The following SLC16A1 variants were observed in gnomAD, a reference collection of about 807,000 sequenced individuals.
SLC16A1 encodes monocarboxylate transporter 1.
Under a neutral mutation model 32.2 loss-of-function variants are expected in SLC16A1, and 11 were observed. The ratio of observed to expected loss-of-function variants is 0.34; its 90% CI spans 0.21 to 0.56. SLC16A1 has a LOEUF of 0.56. SLC16A1 is among the 20% of genes least tolerant of loss of function. The pLI is 0.87. For missense variants in SLC16A1, 435 were observed against 615.0 expected, an observed-to-expected ratio of 0.71 and a Z score of 3.10; for synonymous variants, 231 against 226.8, an observed-to-expected ratio of 1.02 and a Z score of -0.17.
chr1:112,925,911 C>T (rs562191853), intron 2 of SLC16A1, among the ~76,000 whole-genome samples: 4 of 146,184 alleles, frequency 2.7e-5, no homozygotes, highest in South Asian at 2.1e-4. Flanking sequence ...TTCAGAGTTG[C>T]GGTACAGTAT....
intron 3 of SLC16A1, among the ~76,000 whole-genome samples, chr1:112,920,685 T>C (rs1402333471): frequency 2.0e-5 from 3 of 152,004 alleles, no homozygotes; most frequent in African/African-American, 7.3e-5. Flanking sequence ...TAAACAGAAG[T>C]GGACAAATAT....
intron 1 of SLC16A1, among the ~76,000 whole-genome samples, chr1:112,943,340 G>C (rs535042321): frequency 2.6e-5 from 4 of 152,028 alleles, no homozygotes; most frequent in Non-Finnish European, 4.4e-5. Context: ...CCTGGAAGGC[G>C]GAGGCTGCAG....
chr1:112,925,547 T>A (rs1648911167), intron 2 of SLC16A1, among the ~76,000 whole-genome samples: 1 of 151,882 alleles, frequency 6.6e-6, no homozygotes, highest in South Asian at 2.1e-4. Flanking sequence ...CCGGGCTAAT[T>A]TTTGTATTTT....
At chr1:112,922,779 A>C (rs879491748) in intron 2 of SLC16A1, among the ~76,000 whole-genome samples, 24 of 152,092 alleles carry the variant, frequency 1.6e-4, no homozygotes, top group Non-Finnish European at 3.2e-4. Context: ...TGTCTCAAAA[A>C]ACAAACAAAC....
chr1:112,952,596 T>C (rs1023485124), intron 1 of SLC16A1, among the ~76,000 whole-genome samples: 5 of 152,214 alleles, frequency 3.3e-5, no homozygotes, highest in Admixed American at 6.5e-5. Flanking sequence ...GATATCTATA[T>C]TGAAATAAAA....
At chr1:112,946,416 T>C (rs1370525732) in intron 1 of SLC16A1, among the ~76,000 whole-genome samples, 3 of 152,036 alleles carry the variant, frequency 2.0e-5, no homozygotes, top group Non-Finnish European at 4.4e-5. Flanking sequence ...GAACTTCAAG[T>C]AATCTAATTT....
In SLC16A1 at chr1:112,918,287, G is replaced by A. The variant is rs1020544803; in HGVS notation, c.362-243C>T. Among the ~76,000 whole-genome samples the A allele has an allele frequency of 2.6e-5, 4 of 151,974 alleles. No homozygotes were observed. The South Asian group carries it at 8.3e-4, about 32-fold the overall frequency. The stretch of plus-strand genomic sequence containing the variant: ...TGACTGCTTCCTAATATGTAAAACG[G>A]GCACAGGTCACTGTTGTGAGGAAGA... On this transcript the variant is annotated intron_variant, in intron 3 of 4. Coordinates refer to ENST00000369626, the MANE Select transcript of SLC16A1 (RefSeq NM_003051.4).
chr1:112,949,828 G>A (rs1238855619), intron 1 of SLC16A1, among the ~76,000 whole-genome samples: 1 of 152,014 alleles, frequency 6.6e-6, no homozygotes, highest in African/African-American at 2.4e-5. Flanking sequence ...CGTGAGCCAC[G>A]TGCCCAGACA....
At chr1:112,918,110 G>C in intron 3 of SLC16A1, 66 bp from the exon 4 acceptor site, 1 of 1,080,278 alleles carries the variant, frequency 9.3e-7, no homozygotes, top group Non-Finnish European at 1.2e-6. Context: ...ATAATAAGAG[G>C]TATAAATAAT....
Position 112,917,926 on chromosome 1 carries a change from A to G in SLC16A1, c.480T>C (p.Thr160=). Residue 160 remains threonine, a synonymous_variant, in exon 4 of 5, where the codon ACT becomes ACC. Coordinates refer to ENST00000369626, the MANE Select transcript of SLC16A1 (RefSeq NM_003051.4). This position sits in a 1 kb window ranked among gnomAD's most constrained non-coding sequence, Gnocchi z 4.1. ...AMAGSPVFLC[T]LAPLNQVFFG... ...AGAAAACCTGATTGAGGGGGGCCAG[A>G]GTACAGAGGAACACAGGGCTGCCTG... 6.2e-7 allele frequency: 1 copy of G among 1,600,358 alleles called. No individual in the cohort carries two copies. The highest frequency in any genetic ancestry group is 8.5e-7 in the Non-Finnish European group (1 of 1,175,162).
rs553067082 is a variant in SLC16A1 at position 112,935,627 on chromosome 1, C to A, written c.-44-6275G>T. On this transcript the variant is annotated intron_variant, in intron 1 of 4. Coordinates refer to ENST00000369626, the MANE Select transcript of SLC16A1 (RefSeq NM_003051.4). The stretch of plus-strand genomic sequence containing the variant: ...AAGAGAATAGAGAATGGAGAAGAGA[C>A]AACTGTCTGGGTAAATGACTAAGGG... Among the ~76,000 whole-genome samples, 20 of 152,176 alleles carry A rather than the reference C, an allele frequency of 1.3e-4. No individual in the cohort carries two copies. In the East Asian group the frequency reaches 3.9e-3, roughly 29 times the overall value.
intron 1 of SLC16A1, among the ~76,000 whole-genome samples, chr1:112,939,181 G>A (rs1463664639): frequency 6.6e-6 from 1 of 152,006 alleles, no homozygotes; most frequent in Non-Finnish European, 1.5e-5. Context: ...GTGAGCCACC[G>A]TGCCCGGCCA....
At chr1:112,922,957 G>A (rs1393965889) in intron 2 of SLC16A1, among the ~76,000 whole-genome samples, 1 of 151,908 alleles carries the variant, frequency 6.6e-6, no homozygotes, top group Admixed American at 6.5e-5. Flanking sequence ...TGTCACCCAA[G>A]CTGGAGTGCA....
chr1:112,924,126 G>A (rs1050782461), intron 2 of SLC16A1: 20 of 1,399,214 alleles, frequency 1.4e-5, no homozygotes, highest in African/African-American at 8.5e-5. Context: ...TGGCGCCAGC[G>A]CCCCCAGCAT....
Position 112,917,875 on chromosome 1 carries a change from GC to G in SLC16A1, c.530del (p.Ser177ThrfsTer3). 1 of 1,611,500 alleles carries G rather than the reference GC, an allele frequency of 6.2e-7. No homozygotes were observed. The highest frequency in any genetic ancestry group is 8.5e-7 in the Non-Finnish European group (1 of 1,178,832). ...VFFGIFGWRG[S>X]FLILGGLLLN... Reference sequence around the variant, plus strand: ...GTAGCAAGCCCCCAAGAATTAGAAAGCTTCCTCTCCATCCAAAGATACCGAA... The same window carrying G: ...GTAGCAAGCCCCCAAGAATTAGAAAGTTCCTCTCCATCCAAAGATACCGAA... On this transcript the variant is annotated frameshift_variant, in exon 4 of 5. Transcript: ENST00000369626. LOFTEE classifies it high-confidence loss of function. This position sits in a 1 kb window ranked among gnomAD's most constrained non-coding sequence, Gnocchi z 4.1.
At chr1:112,930,338 C>T (rs1649086718) in intron 1 of SLC16A1, among the ~76,000 whole-genome samples, 1 of 152,048 alleles carries the variant, frequency 6.6e-6, no homozygotes, top group Admixed American at 6.6e-5. Context: ...GGAAAAAAAC[C>T]CCCACACTTC....
chr1:112,929,320 A>C lies in SLC16A1; in HGVS notation c.-12T>G. On this transcript the variant is annotated 5_prime_UTR_variant, in exon 2 of 5. Coordinates refer to ENST00000369626, the MANE Select transcript of SLC16A1 (RefSeq NM_003051.4). ...ACTGCTGGTGGCATTTTAAGTGTAG[A>C]TAAATTCCAAAATGCAGGTCAAATC... The C allele has an allele frequency of 1.2e-6, 2 of 1,610,694 alleles. No homozygotes were observed. Among genetic ancestry groups the C allele is most frequent in the Non-Finnish European group, 1.7e-6 (2 of 1,177,524 alleles).
chr1:112,953,154 T>C (rs1348378517), intron 1 of SLC16A1, among the ~76,000 whole-genome samples: 1 of 31,388 alleles, frequency 3.2e-5, no homozygotes, highest in Non-Finnish European at 9.3e-5. Context: ...CTGAAAATCC[T>C]TTTTTTTTTT....
chr1:112,937,311 C>G lies in SLC16A1; in HGVS notation c.-44-7959G>C, dbSNP rs142386843. On this transcript the variant is annotated intron_variant, in intron 1 of 4. Coordinates refer to ENST00000369626, the MANE Select transcript of SLC16A1 (RefSeq NM_003051.4). Reference sequence around the variant, plus strand: ...AATTTTTAGTCACTAAAGCTTGCCTCATCAAGTTAATACCTTATTCCACAG... The same window carrying G: ...AATTTTTAGTCACTAAAGCTTGCCTGATCAAGTTAATACCTTATTCCACAG... 4.6e-3 allele frequency among the ~76,000 whole-genome samples: 708 copies of G among 152,268 alleles called. 13 individuals carry two copies. Among genetic ancestry groups the G allele is most frequent in the African/African-American group, 0.016 (685 of 41,546 alleles).
Sources: gnomAD v4.1 joint callset for allele counts (sites outside exome capture counted in the v4.1 genomes callset) on GRCh38, gnomAD v4.1.1 for gene constraint, Gnocchi (gnomAD v3.1) non-coding constraint, MANE v1.5 for transcripts, NCBI Gene and HGNC (gene_info 2026-07-23, HGNC 2026-07-21) for gene names.